Variants in PAX9 observed in about 807,000 individuals in gnomAD.
The protein encoded by PAX9 is paired box 9, also known as paired box protein Pax-9.
In PAX9, 6 loss-of-function variants were observed where a neutral mutation model predicts 29.1. The observed-to-expected ratio is 0.21, with a 90% CI of 0.11 to 0.41. The LOEUF (loss-of-function observed/expected upper bound fraction) is 0.41, where lower values mean the gene tolerates loss of function less well. PAX9 is among the 10% of genes least tolerant of loss of function. PAX9 has a pLI of 1.00. For missense variants in PAX9, 443 were observed against 479.1 expected, an observed-to-expected ratio of 0.92 and a Z score of 0.70; for synonymous variants, 217 against 211.7, an observed-to-expected ratio of 1.03 and a Z score of -0.22.
At chr14:36,658,064 G>A (rs1395392679), upstream of PAX9, among the ~76,000 whole-genome samples, 11 of 152,098 alleles carry the variant, frequency 7.2e-5, no homozygotes, top group Non-Finnish European at 1.3e-4. Context: ...CGCCCTGGGC[G>A]CGGGGCGAGC....
Position 36,678,136 on chromosome 14 carries a change from G to A in PAX9, c.*1684G>A, listed in dbSNP as rs10141087. On this transcript the variant is annotated 3_prime_UTR_variant, in exon 4 of 4. Transcript: ENST00000361487. ...TCCCTAGGTGATTTTAATTTCTTCC[G>A]GTCTGTGCTGTGCACAGTCTACATG... 1.2e-5 allele frequency: 3 copies of A among 254,968 alleles called. No individual in the cohort carries two copies. The highest frequency in any genetic ancestry group is 1.1e-4 in the South Asian group (1 of 8,782). The allele number at this position is 254,968 out of a possible 1,614,324, so 15.8% of individuals were successfully genotyped here. A position where few individuals can be genotyped will look rare whatever the true frequency, so the allele number is the denominator to read the frequency against.
rs1266301841 is a variant in PAX9, at chr14:36,678,386, A to G, written c.*1934A>G. The stretch of plus-strand genomic sequence containing the variant: ...TCAGTGCTACAAATAGAGGATTATA[A>G]CTTCAGGAGAAGAATAAGCAGAAGG... On this transcript the variant is annotated 3_prime_UTR_variant, in exon 4 of 4. Coordinates refer to ENST00000361487, the MANE Select transcript of PAX9 (RefSeq NM_001372076.1). 7 of 1,052,500 alleles carry G rather than the reference A, an allele frequency of 6.7e-6. No homozygotes were observed. In the African/African-American group the frequency reaches 7.9e-5, roughly 12 times the overall value. The allele number at this position is 1,052,500 out of a possible 1,614,324, so 65.2% of individuals were successfully genotyped here.
upstream of PAX9, among the ~76,000 whole-genome samples, chr14:36,658,381 G>A (rs1402093640): frequency 6.6e-6 from 1 of 151,726 alleles, no homozygotes; most frequent in African/African-American, 2.4e-5. Flanking sequence ...CTTGGGGGGG[G>A]GGGGTCCTGT....
chr14:36,663,694 A>C lies in PAX9; in HGVS notation c.631+171A>C, dbSNP rs78345737. Among the ~76,000 whole-genome samples the C allele has an allele frequency of 3.3e-5, 5 of 151,650 alleles. No individual in the cohort carries two copies. The East Asian group carries it at 9.7e-4, about 30-fold the overall frequency. ...GGTGTTCTGATCTCATTAACTTGAAACTCATGCCCCTGGTTTCCTTGCCAC... is the reference window on the plus strand; with the variant it reads ...GGTGTTCTGATCTCATTAACTTGAACCTCATGCCCCTGGTTTCCTTGCCAC... On this transcript the variant is annotated intron_variant, in intron 2 of 3. Transcript: ENST00000361487.
At chr14:36,667,450 T>C (rs1026997538) in intron 3 of PAX9, among the ~76,000 whole-genome samples, 11 of 151,946 alleles carry the variant, frequency 7.2e-5, no homozygotes, top group African/African-American at 2.7e-4. Context: ...CTTAAGGCAA[T>C]GTAAGGTTTC....
intron 3 of PAX9, among the ~76,000 whole-genome samples, chr14:36,666,898 C>CT (rs1176722302): frequency 2.0e-5 from 3 of 152,184 alleles, no homozygotes; most frequent in Non-Finnish European, 4.4e-5. Context: ...GCCTGTCGGC[C>CT]TCCGGGAGCT....
chr14:36,673,530 C>CAGGTGGAACATCTCTGGGCAAAAAG (rs6145299), intron 3 of PAX9, among the ~76,000 whole-genome samples: 1 of 151,988 alleles, frequency 6.6e-6, no homozygotes, highest in Non-Finnish European at 1.5e-5. Context: ...GGCCATCTTC[C>CAGGTGGAACATCTCTGGGCAAAAAG]AAGTGGGTCC....
chr14:36,658,198 G>C (rs920565694), upstream of PAX9, among the ~76,000 whole-genome samples: 3 of 152,158 alleles, frequency 2.0e-5, no homozygotes, highest in African/African-American at 7.2e-5. Flanking sequence ...TCTGCACCGC[G>C]CGCAATGCCC....
At chr14:36,672,496 A>G (rs1881721411) in intron 3 of PAX9, among the ~76,000 whole-genome samples, 2 of 152,204 alleles carry the variant, frequency 1.3e-5, no homozygotes, top group Non-Finnish European at 2.9e-5. Context: ...TACTTGACCC[A>G]GTAGAGATTT....
At chr14:36,668,662 C>T (rs1881596887) in intron 3 of PAX9, among the ~76,000 whole-genome samples, 1 of 152,198 alleles carries the variant, frequency 6.6e-6, no homozygotes, top group Non-Finnish European at 1.5e-5. Flanking sequence ...GCTGGGATTA[C>T]AGGCGTGAGC....
chr14:36,668,678 T>C (rs1353131245), intron 3 of PAX9, among the ~76,000 whole-genome samples: 2 of 152,206 alleles, frequency 1.3e-5, no homozygotes, highest in African/African-American at 2.4e-5. Flanking sequence ...TGAGCCACCG[T>C]GCCGGCCAGT....
rs550534840 is a variant in PAX9, at chr14:36,664,354, T to TGGGGTCCC, written c.631+832_631+839dup. On this transcript the variant is annotated intron_variant, in intron 2 of 3. Coordinates refer to ENST00000361487, the MANE Select transcript of PAX9 (RefSeq NM_001372076.1). Reference sequence around the variant, plus strand: ...TTTCCCTGAGCCTGCCACTTTCCTTTGGGGTCCCCGGGTCCCCGGGTCCCC... The same window carrying TGGGGTCCC: ...TTTCCCTGAGCCTGCCACTTTCCTTTGGGGTCCCGGGGTCCCCGGGTCCCCGGGTCCCC... 3.4e-4 allele frequency among the ~76,000 whole-genome samples: 49 copies of TGGGGTCCC among 143,656 alleles called. No individual in the cohort carries two copies. The East Asian group carries it at 0.01, about 30-fold the overall frequency. 94.2% of individuals were successfully genotyped at this position (143,656 alleles called of 152,430 possible). A position where few individuals can be genotyped will look rare whatever the true frequency, so the allele number is the denominator to read the frequency against.
Position 36,679,151 on chromosome 14 carries a change from G to A in PAX9, c.*2699G>A, listed in dbSNP as rs1012495817. The A allele has an allele frequency of 2.3e-5, 23 of 985,214 alleles. No homozygotes were observed. Among genetic ancestry groups the A allele is most frequent in the South Asian group, 4.7e-5 (1 of 21,288 alleles). The allele number at this position is 985,214 out of a possible 1,614,324, so 61.0% of individuals were successfully genotyped here. A position where few individuals can be genotyped will look rare whatever the true frequency, so the allele number is the denominator to read the frequency against. On this transcript the variant is annotated 3_prime_UTR_variant, in exon 4 of 4. Coordinates refer to ENST00000361487, the MANE Select transcript of PAX9 (RefSeq NM_001372076.1). ...ATATTACCTGCAAGGATAGAATGCA[G>A]TTGTGCAACAGAGACACATTCTTAT...
chr14:36,664,937 C>T (rs1735075018), intron 2 of PAX9, among the ~76,000 whole-genome samples: 1 of 152,036 alleles, frequency 6.6e-6, no homozygotes, highest in African/African-American at 2.4e-5. Flanking sequence ...GATAAACTGA[C>T]CTCACTGACA....
At chr14:36,661,839 C>T (rs1881279835), upstream of PAX9, 2 of 576,108 alleles carry the variant, frequency 3.5e-6, no homozygotes, top group South Asian at 2.0e-5. Flanking sequence ...GAGTGATAGA[C>T]GGAGCCGCCC....
Position 36,678,657 on chromosome 14 carries a change from A to G in PAX9, c.*2205A>G. The stretch of plus-strand genomic sequence containing the variant: ...TTTAGGTGGCTGTTAGGGGGCTTTA[A>G]AAAATATTACTTGCTTGTGTGGAAA... On this transcript the variant is annotated 3_prime_UTR_variant, in exon 4 of 4. Coordinates refer to ENST00000361487, the MANE Select transcript of PAX9 (RefSeq NM_001372076.1). 1 of 1,254,042 alleles carries G rather than the reference A, an allele frequency of 8.0e-7. No homozygotes were observed. Among genetic ancestry groups the G allele is most frequent in the Non-Finnish European group, 1.0e-6 (1 of 1,001,258 alleles). The allele number at this position is 1,254,042 out of a possible 1,614,324, so 77.7% of individuals were successfully genotyped here. A position where few individuals can be genotyped will look rare whatever the true frequency, so the allele number is the denominator to read the frequency against.
At chr14:36,657,572 C>G (rs1378807249), upstream of PAX9, 3 of 152,370 alleles carry the variant, frequency 2.0e-5, no homozygotes, top group African/African-American at 7.2e-5. Context: ...ACAGGCCCCT[C>G]CCCTGCTCTC....
upstream of PAX9, among the ~76,000 whole-genome samples, chr14:36,659,692 C>G (rs2073240): frequency 0.33 from 50,215 of 152,070 alleles, 8,623 homozygotes; most frequent in East Asian, 0.45. Context: ...CAGCTGAGGC[C>G]ACATGGTCAC....
chr14:36,661,819 T>A (rs1484517291), upstream of PAX9: 3 of 551,880 alleles, frequency 5.4e-6, no homozygotes, highest in East Asian at 3.2e-5. Flanking sequence ...TTTTAGGGCG[T>A]GTCCCCAGTG....
Sources: gnomAD v4.1 joint callset for allele counts (sites outside exome capture counted in the v4.1 genomes callset) on GRCh38, gnomAD v4.1.1 for gene constraint, MANE v1.5 for transcripts, NCBI Gene and HGNC (gene_info 2026-07-23, HGNC 2026-07-21) for gene names.